Variants in NEK4 observed in about 807,000 individuals in gnomAD.
The protein encoded by NEK4 is NIMA related kinase 4.
Under a neutral mutation model 98.4 loss-of-function variants are expected in NEK4, and 86 were observed. That is an observed-to-expected ratio of 0.87 (90% CI 0.73 to 1.05). The LOEUF (loss-of-function observed/expected upper bound fraction) is 1.05, where lower values mean the gene tolerates loss of function less well. Ranked by LOEUF, NEK4 falls within the 50% of genes least tolerant of loss-of-function variation. The probability of loss-of-function intolerance (pLI) is 0.00; values close to 1 mark genes in which losing one functional copy is unlikely to be tolerated. For missense variants in NEK4, 898 were observed against 950.3 expected (o/e 0.94, Z 0.72); for synonymous variants, 328 against 342.2 (o/e 0.96, Z 0.46).
At chr3:52,760,378 A>G (rs1481874690) in intron 6 of NEK4, among the ~76,000 whole-genome samples, 1 of 152,006 alleles carries the variant, frequency 6.6e-6, no homozygotes, top group African/African-American at 2.4e-5. Flanking sequence ...CACCACAGCC[A>G]GCTAATTTTT....
intron 6 of NEK4, among the ~76,000 whole-genome samples, chr3:52,755,932 C>A (rs1425464403): frequency 6.6e-6 from 1 of 151,934 alleles, no homozygotes; most frequent in Non-Finnish European, 1.5e-5. Context: ...AAGAACAATT[C>A]AATTTACAAT....
At chr3:52,758,639 A>C (rs1446382628) in intron 6 of NEK4, among the ~76,000 whole-genome samples, 1 of 151,968 alleles carries the variant, frequency 6.6e-6, no homozygotes, top group African/African-American at 2.4e-5. Flanking sequence ...AAAAAACAAA[A>C]GAAATTTTTA....
At chr3:52,714,808 C>T (rs2097353626) in intron 15 of NEK4, among the ~76,000 whole-genome samples, 1 of 152,250 alleles carries the variant, frequency 6.6e-6, no homozygotes. Context: ...ACCCCCACCC[C>T]CAGCTCCAAT....
intron 15 of NEK4, among the ~76,000 whole-genome samples, chr3:52,713,245 T>C (rs1013406421): frequency 3.9e-4 from 60 of 152,162 alleles, no homozygotes; most frequent in Non-Finnish European, 6.8e-4. Context: ...GGCATATCAC[T>C]TCTGTGGTAT....
intron 10 of NEK4, among the ~76,000 whole-genome samples, chr3:52,744,734 A>G (rs2097392957): frequency 6.7e-6 from 1 of 149,836 alleles, no homozygotes; most frequent in Admixed American, 6.6e-5. Flanking sequence ...GTGACACAGC[A>G]AGACCAAAAA....
At position 52,763,463 on chromosome 3, in the gene NEK4, A is replaced by G. The variant is rs748738459; in HGVS notation, c.821+7T>C. ...TAGCCCAGCTATTTGCAAGGGAAGT[A>G]TCTTACATCTTTGTGGCCTCCAAAA... On this transcript the variant is annotated splice_region_variant and intron_variant, in intron 5 of 15. Transcript: ENST00000233027. 6.2e-7 allele frequency: 1 copy of G among 1,611,390 alleles called. No homozygotes were observed. Among genetic ancestry groups the G allele is most frequent in the South Asian group, 1.1e-5 (1 of 90,606 alleles).
At chr3:52,754,100 TGCGGTGA>T (rs904567003) in intron 6 of NEK4, 2 of 247,592 alleles carry the variant, frequency 8.1e-6, no homozygotes, top group Admixed American at 5.1e-5. Context: ...AGGCAGAGGT[TGCGGTGA>T]GCCAAGATCG....
rs56359883 is a variant in NEK4 at position 52,710,364 on chromosome 3, TA to T, written c.*1412del. 143,189 of 146,322 alleles carry T rather than the reference TA, an allele frequency of 0.98. 70,083 individuals carry two copies. The highest frequency in any genetic ancestry group is 1 in the East Asian group (5,023 of 5,040). The allele number at this position is 146,322 out of a possible 1,614,324, so 9.1% of individuals were successfully genotyped here. A position where few individuals can be genotyped will look rare whatever the true frequency, so the allele number is the denominator to read the frequency against. On this transcript the variant is annotated 3_prime_UTR_variant, in exon 16 of 16. Coordinates refer to ENST00000233027, the MANE Select transcript of NEK4 (RefSeq NM_003157.6). ...TGGGTGACAGAGCAAGACTGTGTCT[TA>T]AAAAAAAAAAAAAATTGTTAAGTGG...
intron 14 of NEK4, among the ~76,000 whole-genome samples, chr3:52,738,923 T>C (rs1270334070): frequency 2.0e-5 from 3 of 152,364 alleles, no homozygotes; most frequent in Non-Finnish European, 4.4e-5. Context: ...CATTTATCTA[T>C]TTATTTTTAA....
intron 2 of NEK4, among the ~76,000 whole-genome samples, chr3:52,768,025 C>G (rs1698639179): frequency 6.6e-6 from 1 of 152,152 alleles, no homozygotes; most frequent in African/African-American, 2.4e-5. Context: ...CACGACTGAC[C>G]AATGGATAAC....
intron 15 of NEK4, among the ~76,000 whole-genome samples, chr3:52,717,577 A>C (rs1315403623): frequency 1.3e-5 from 2 of 152,032 alleles, no homozygotes; most frequent in Non-Finnish European, 2.9e-5. Context: ...AAGTGGGGGT[A>C]TCACTCGGAA....
chr3:52,741,934 A>C (rs891926016), intron 12 of NEK4, among the ~76,000 whole-genome samples: 3 of 151,726 alleles, frequency 2.0e-5, no homozygotes, highest in African/African-American at 7.3e-5. Context: ...CACGTGCCGC[A>C]ACGCCCAGCT....
chr3:52,741,290 C>T (rs1253546194), intron 13 of NEK4, 121 bp downstream of exon 13: 7 of 525,918 alleles, frequency 1.3e-5, no homozygotes, highest in South Asian at 2.7e-5. Flanking sequence ...GCATATGCCA[C>T]AAACCATTTA....
chr3:52,712,742 T>C (rs1441132777), intron 15 of NEK4, among the ~76,000 whole-genome samples: 1 of 152,212 alleles, frequency 6.6e-6, no homozygotes, highest in Non-Finnish European at 1.5e-5. Context: ...CACCTCGTTC[T>C]GCTGGTCGAT....
intron 13 of NEK4, 147 bp downstream of exon 13, chr3:52,741,264 G>C (rs1384535738): frequency 4.9e-6 from 2 of 409,646 alleles, no homozygotes; most frequent in Non-Finnish European, 8.6e-6. Flanking sequence ...AAAAAGAAGA[G>C]ACACTTTTAG....
At chr3:52,727,796 A>C (rs1303735291) in intron 15 of NEK4, among the ~76,000 whole-genome samples, 1 of 152,234 alleles carries the variant, frequency 6.6e-6, no homozygotes, top group South Asian at 2.1e-4. Flanking sequence ...TAAATCACCA[A>C]TGGATCAAAG....
intron 4 of NEK4, among the ~76,000 whole-genome samples, chr3:52,764,673 T>C (rs1305033939): frequency 2.0e-5 from 3 of 151,676 alleles, no homozygotes; most frequent in Admixed American, 1.3e-4. Context: ...AAGGATGTGT[T>C]CCTCATATAT....
In NEK4 at chr3:52,752,177, T is replaced by G; in HGVS notation, c.1123A>C (p.Arg375=). 1 of 1,614,210 alleles carries G rather than the reference T, an allele frequency of 6.2e-7. No individual in the cohort carries two copies. Among genetic ancestry groups the G allele is most frequent in the African/African-American group, 1.3e-5 (1 of 75,058 alleles). The part of the protein sequence containing the change: ...VNIDILPAKG[R]DSVSDGFVQE... ...ACAAAGCCATCACTCACTGAATCCC[T>G]CCCTTTTGCAGGTAAGATGTCAATA... The change falls in exon 7 of 16, where the codon AGG becomes CGG. Residue 375 remains arginine, a synonymous_variant. Coordinates refer to ENST00000233027, the MANE Select transcript of NEK4 (RefSeq NM_003157.6).
chr3:52,769,776 G>T (rs1015961773), intron 1 of NEK4, among the ~76,000 whole-genome samples: 1 of 152,204 alleles, frequency 6.6e-6, no homozygotes. Flanking sequence ...GTCCCAGTTT[G>T]TACATTATAT....
Sources: gnomAD v4.1 joint callset for allele counts (sites outside exome capture counted in the v4.1 genomes callset) on GRCh38, gnomAD v4.1.1 for gene constraint, MANE v1.5 for transcripts, NCBI Gene and HGNC (gene_info 2026-07-23, HGNC 2026-07-21) for gene names.